The following NAA16 variants were observed in gnomAD, a reference collection of about 807,000 sequenced individuals.
The protein encoded by NAA16 is N-alpha-acetyltransferase 16, NatA auxiliary subunit.
A neutral mutation model predicts 110.3 loss-of-function variants in NAA16; 97 were observed. The ratio of observed to expected loss-of-function variants is 0.88; its 90% CI spans 0.75 to 1.04. The LOEUF is 1.04. NAA16 is among the 50% of genes least tolerant of loss of function. The pLI is 0.00. For missense variants in NAA16, 1,017 were observed against 1,005.1 expected, an observed-to-expected ratio of 1.01 and a Z score of -0.16; for synonymous variants, 372 against 330.6, an observed-to-expected ratio of 1.13 and a Z score of -1.36.
intron 5 of NAA16, 60 bp from the exon 6 acceptor site, chr13:41,325,638 A>G (rs1566250133): frequency 3.5e-6 from 4 of 1,140,560 alleles, no homozygotes; most frequent in Non-Finnish European, 4.8e-6. Flanking sequence ...AGTTTAATTA[A>G]AGGTCTGTAA....
At chr13:41,371,338 A>G (rs1180762932) in intron 15 of NAA16, among the ~76,000 whole-genome samples, 3 of 152,250 alleles carry the variant, frequency 2.0e-5, no homozygotes, top group Non-Finnish European at 2.9e-5. Context: ...AACCAAAGCA[A>G]ACAGTGGAAA....
intron 5 of NAA16, among the ~76,000 whole-genome samples, chr13:41,324,816 C>T (rs1451023837): frequency 6.6e-6 from 1 of 151,774 alleles, no homozygotes; most frequent in Non-Finnish European, 1.5e-5. Flanking sequence ...TAGGACTGCT[C>T]CAGAGACTGA....
Position 41,324,363 on chromosome 13 carries a change from C to CTT in NAA16, c.537+1202_537+1203dup, listed in dbSNP as rs71086562. 1.3e-3 allele frequency among the ~76,000 whole-genome samples: 87 copies of CTT among 66,074 alleles called. 2 individuals are homozygous for CTT. Among genetic ancestry groups the CTT allele is most frequent in the Non-Finnish European group, 1.7e-3 (64 of 37,346 alleles). 43.3% of individuals were successfully genotyped at this position (66,074 alleles called of 152,430 possible). A position where few individuals can be genotyped will look rare whatever the true frequency, so the allele number is the denominator to read the frequency against. On this transcript the variant is annotated intron_variant, in intron 5 of 19. Coordinates refer to ENST00000379406, the MANE Select transcript of NAA16 (RefSeq NM_024561.5). ...TTAGGTGTTTGCAATTTCTTTCTTT[C>CTT]TTTTTTTTTTTTTTTTTTTTTTTTT...
chr13:41,312,558 A>C (rs187599407), intron 1 of NAA16, among the ~76,000 whole-genome samples: 2 of 150,224 alleles, frequency 1.3e-5, no homozygotes, highest in South Asian at 2.1e-4. Flanking sequence ...TTTTCACCTG[A>C]AAAAAAGCTT....
chr13:41,334,476 CAG>C (rs933008324), intron 8 of NAA16, among the ~76,000 whole-genome samples: 3 of 151,694 alleles, frequency 2.0e-5, no homozygotes, highest in African/African-American at 7.3e-5. Flanking sequence ...GAATAAGAAA[CAG>C]TCTATTCTTG....
chr13:41,353,113 T>TCAAAACAAAATAAAA lies in NAA16; in HGVS notation c.1015-2021_1015-2020insTAAAACAAAACAAAA, dbSNP rs112150240. 3.1e-4 allele frequency among the ~76,000 whole-genome samples: 46 copies of TCAAAACAAAATAAAA among 150,536 alleles called. 1 individual carries two copies. Among genetic ancestry groups the TCAAAACAAAATAAAA allele is most frequent in the East Asian group, 1.2e-3 (6 of 5,098 alleles). ...CCTGGTGACAGAGCGAGACTCCATC[T>TCAAAACAAAATAAAA]CAAAACAAAACAAAACAAAACAAAA... On this transcript the variant is annotated intron_variant, in intron 9 of 19. Transcript: ENST00000379406.
intron 13 of NAA16, chr13:41,362,679 T>G: frequency 3.1e-6 from 4 of 1,288,154 alleles, no homozygotes; most frequent in Non-Finnish European, 4.1e-6. Context: ...GAGGGGACTT[T>G]TCTTTTCCTT....
intron 9 of NAA16, among the ~76,000 whole-genome samples, chr13:41,343,825 G>A (rs1439860166): frequency 1.3e-5 from 2 of 151,828 alleles, no homozygotes; most frequent in Admixed American, 6.6e-5. Flanking sequence ...ACAGGCGTGA[G>A]CCACTGCACC....
chr13:41,344,636 G>A (rs1223346922), intron 9 of NAA16, among the ~76,000 whole-genome samples: 1 of 152,188 alleles, frequency 6.6e-6, no homozygotes, highest in African/African-American at 2.4e-5. Context: ...TCTTTGTAAT[G>A]TAGGGCTGTC....
intron 9 of NAA16, among the ~76,000 whole-genome samples, chr13:41,340,563 T>C (rs1453355266): frequency 1.3e-5 from 2 of 152,004 alleles, no homozygotes; most frequent in African/African-American, 4.8e-5. Context: ...AACATCTTTA[T>C]TTCTGCCTTC....
At chr13:41,359,591 T>C (rs549938170) in intron 12 of NAA16, among the ~76,000 whole-genome samples, 1 of 152,228 alleles carries the variant, frequency 6.6e-6, no homozygotes, top group East Asian at 1.9e-4. Context: ...ACTGTAAAAA[T>C]CAGAGATGAA....
At chr13:41,373,910 TTTAAG>T in intron 18 of NAA16, 130 bp downstream of exon 18, 3 of 1,374,314 alleles carry the variant, frequency 2.2e-6, no homozygotes, top group African/African-American at 3.0e-5. Context: ...TGTGGACAAA[TTTAAG>T]TTATGTTCAA....
At chr13:41,312,098 G>A (rs1331984234) in intron 1 of NAA16, among the ~76,000 whole-genome samples, 1 of 152,174 alleles carries the variant, frequency 6.6e-6, no homozygotes, top group Non-Finnish European at 1.5e-5. Flanking sequence ...AAATAAAACC[G>A]GCAACTTTAG....
chr13:41,345,940 G>T (rs981108292), intron 9 of NAA16, among the ~76,000 whole-genome samples: 1 of 152,174 alleles, frequency 6.6e-6, no homozygotes, highest in East Asian at 1.9e-4. Flanking sequence ...AATATTTTCT[G>T]TTCTGCTACG....
In NAA16 at chr13:41,320,800, A is replaced by T; in HGVS notation, c.378A>T (p.Gln126His). 6.2e-7 allele frequency: 1 copy of T among 1,609,922 alleles called. No homozygotes were observed. The highest frequency in any genetic ancestry group is 8.5e-7 in the Non-Finnish European group (1 of 1,178,922). ...ILRDLSLLQI[Q>H]MRDLEGYRET... ...GGGATCTCTCACTGTTGCAGATCCA[A>T]ATGAGAGACCTTGAAGGTTACCGAG... is the stretch of plus-strand genomic sequence containing the variant. Residue 126 changes from glutamine to histidine, a missense_variant, in exon 4 of 20, where the codon CAA (glutamine) becomes CAT (histidine). By Grantham distance (24) the Gln-to-His change is conservative (BLOSUM62 0). Coordinates refer to ENST00000379406, the MANE Select transcript of NAA16 (RefSeq NM_024561.5).
At position 41,358,421 on chromosome 13, in the gene NAA16, C is replaced by G. The variant is rs768934645; in HGVS notation, c.1205C>G (p.Ala402Gly). 1.9e-6 allele frequency: 3 copies of G among 1,613,020 alleles called. No individual in the cohort carries two copies. In the East Asian group the frequency reaches 6.7e-5, roughly 36 times the overall value. Reference protein sequence around the residue: ...LALDYINAAIASTPTLIELFY... With the variant: ...LALDYINAAIGSTPTLIELFY... ...TTGGATTATATTAATGCTGCAATTG[C>G]TAGTACTCCAACTCTAATAGAATTA... Residue 402 changes from alanine (A) to glycine (G), a missense_variant, in exon 11 of 20, where the codon GCT becomes GGT. Coordinates refer to ENST00000379406, the MANE Select transcript of NAA16 (RefSeq NM_024561.5).
chr13:41,312,658 A>G (rs1425030792), intron 1 of NAA16, among the ~76,000 whole-genome samples: 1 of 152,234 alleles, frequency 6.6e-6, no homozygotes, highest in Non-Finnish European at 1.5e-5. Context: ...TAACTTTACT[A>G]TAAATAAAAT....
intron 5 of NAA16, 43 bp downstream of exon 5, chr13:41,323,233 G>T: frequency 6.3e-7 from 1 of 1,588,836 alleles, no homozygotes; most frequent in Non-Finnish European, 8.6e-7. Flanking sequence ...AAATGGAGTA[G>T]TTGACTTCTA....
chr13:41,362,781 C>G (rs956354187), intron 13 of NAA16: 1 of 1,289,792 alleles, frequency 7.8e-7, no homozygotes, highest in Non-Finnish European at 1.0e-6. Context: ...AAATGCACCC[C>G]TGAGGCAGTC....
Sources: allele counts gnomAD v4.1 joint callset (sites outside exome capture counted in the v4.1 genomes callset), GRCh38; gene constraint gnomAD v4.1.1; transcripts MANE v1.5; gene names NCBI Gene and HGNC (gene_info 2026-07-23, HGNC 2026-07-21).